Variants in PLPP1 observed in about 807,000 individuals in gnomAD.
PLPP1 encodes the protein lipid phosphate phosphohydrolase 1a.
Under a neutral mutation model 31.2 loss-of-function variants are expected in PLPP1, and 24 were observed. The observed-to-expected ratio is 0.77, with a 90% CI of 0.56 to 1.08. The LOEUF (loss-of-function observed/expected upper bound fraction) is 1.08, where lower values mean the gene tolerates loss of function less well. Among genes scored for constraint, PLPP1 ranks in the 50% least tolerant of loss-of-function variants. The pLI, the probability that PLPP1 is intolerant of heterozygous loss-of-function variation, is 0.00. For synonymous variants in PLPP1, 146 were observed against 126.3 expected (o/e 1.16, Z -1.05); for missense variants, 319 against 342.7 (o/e 0.93, Z 0.55).
chr5:55,511,657 T>TG (rs1753413772), intron 1 of PLPP1, among the ~76,000 whole-genome samples: 1 of 93,140 alleles, frequency 1.1e-5, no homozygotes, highest in African/African-American at 3.7e-5. Context: ...TGAGTTTTTT[T>TG]TTTTTTTTTT....
intron 3 of PLPP1, among the ~76,000 whole-genome samples, chr5:55,466,905 C>T (rs952875978): frequency 9.9e-5 from 15 of 152,094 alleles, no homozygotes; most frequent in African/African-American, 3.6e-4. Flanking sequence ...AAAGATAAGG[C>T]TGACAATTTT....
chr5:55,530,463 G>A, intron 1 of PLPP1: 1 of 1,237,762 alleles, frequency 8.1e-7, no homozygotes, highest in Non-Finnish European at 1.2e-6. Context: ...CTCTTGGTAA[G>A]TTTCTGTGTT....
At chr5:55,477,979 TA>T (rs34723510) in intron 1 of PLPP1, among the ~76,000 whole-genome samples, 318 of 140,012 alleles carry the variant, frequency 2.3e-3, no homozygotes, top group Middle Eastern at 3.6e-3. Flanking sequence ...CACTCTGTCT[TA>T]AAAAAAAAAA....
At chr5:55,433,008 C>T (rs1207880722) in intron 4 of PLPP1, among the ~76,000 whole-genome samples, 1 of 151,718 alleles carries the variant, frequency 6.6e-6, no homozygotes, top group East Asian at 1.9e-4. Context: ...AGCAATGAGG[C>T]AAGAGAAAGA....
At chr5:55,443,212 T>TATATATATATATATATATATAC (rs1169152710) in intron 3 of PLPP1, among the ~76,000 whole-genome samples, 14 of 104,990 alleles carry the variant, frequency 1.3e-4, no homozygotes, top group Non-Finnish European at 2.4e-4. Flanking sequence ...TATATATATA[T>TATATATATATATATATATATAC]ACACACACAC....
chr5:55,461,984 A>G (rs1752175860), intron 3 of PLPP1, among the ~76,000 whole-genome samples: 3 of 152,174 alleles, frequency 2.0e-5, no homozygotes, highest in Admixed American at 2.0e-4. Flanking sequence ...TATACTTAAC[A>G]AAACGTATGC....
chr5:55,472,994 C>A (rs907173314), intron 2 of PLPP1, among the ~76,000 whole-genome samples: 8 of 152,160 alleles, frequency 5.3e-5, no homozygotes, highest in Admixed American at 3.3e-4. Context: ...CACCAAAAAA[C>A]AAGGCAGAAT....
chr5:55,465,109 T>A (rs1007182964), intron 3 of PLPP1, among the ~76,000 whole-genome samples: 4 of 151,176 alleles, frequency 2.6e-5, no homozygotes, highest in Non-Finnish European at 5.9e-5. Flanking sequence ...AGTGGCGCAA[T>A]CTCTGCTCAC....
chr5:55,490,861 G>T, intron 1 of PLPP1: 1 of 1,306,528 alleles, frequency 7.7e-7, no homozygotes, highest in Non-Finnish European at 1.1e-6. Context: ...ATCAACACTG[G>T]TGAAGACAGT....
chr5:55,441,179 CA>C (rs1751612520), intron 4 of PLPP1, among the ~76,000 whole-genome samples: 1 of 152,180 alleles, frequency 6.6e-6, no homozygotes, highest in African/African-American at 2.4e-5. Flanking sequence ...CAAAAAACTA[CA>C]TATTCATCTC....
intron 4 of PLPP1, among the ~76,000 whole-genome samples, chr5:55,435,754 C>A (rs1751477021): frequency 6.6e-6 from 1 of 152,124 alleles, no homozygotes; most frequent in Non-Finnish European, 1.5e-5. Context: ...CTCCCTCCCC[C>A]ATTTTCATCT....
At chr5:55,439,163 CT>C (rs1313068945) in intron 4 of PLPP1, among the ~76,000 whole-genome samples, 2 of 152,178 alleles carry the variant, frequency 1.3e-5, no homozygotes, top group African/African-American at 4.8e-5. Flanking sequence ...TGAAAACCCC[CT>C]GCTCACATAC....
chr5:55,512,723 T>C (rs79623826), intron 1 of PLPP1, among the ~76,000 whole-genome samples: 3 of 43,132 alleles, frequency 7.0e-5, no homozygotes, highest in African/African-American at 9.6e-5. Flanking sequence ...CATTATAAAC[T>C]ACACACACAC....
intron 1 of PLPP1, among the ~76,000 whole-genome samples, chr5:55,518,480 C>T (rs1203475358): frequency 6.6e-6 from 1 of 152,002 alleles, no homozygotes; most frequent in Non-Finnish European, 1.5e-5. Flanking sequence ...TTTAATTTTC[C>T]TTTTCCTACT....
intron 3 of PLPP1, among the ~76,000 whole-genome samples, chr5:55,461,121 G>A (rs1365507703): frequency 6.6e-6 from 1 of 152,132 alleles, no homozygotes; most frequent in African/African-American, 2.4e-5. Context: ...ACTTGAGCCG[G>A]GAGGTCAAGG....
intron 1 of PLPP1, among the ~76,000 whole-genome samples, chr5:55,513,535 G>C (rs1311393159): frequency 6.6e-6 from 1 of 152,010 alleles, no homozygotes; most frequent in Non-Finnish European, 1.5e-5. Flanking sequence ...GCCTCCCAAA[G>C]TGCTGGGATT....
chr5:55,531,912 G>A (rs1397450535), intron 1 of PLPP1, among the ~76,000 whole-genome samples: 1 of 152,154 alleles, frequency 6.6e-6, no homozygotes, highest in Non-Finnish European at 1.5e-5. Context: ...TTTAGGAAAA[G>A]GGAATTCTGA....
chr5:55,430,886 C>T (rs566366569), intron 4 of PLPP1, among the ~76,000 whole-genome samples: 1 of 151,730 alleles, frequency 6.6e-6, no homozygotes, highest in South Asian at 2.1e-4. Flanking sequence ...GAGAAAATTC[C>T]CAAAGACATA....
intron 3 of PLPP1, among the ~76,000 whole-genome samples, chr5:55,466,809 TA>T (rs1190882806): frequency 2.5e-4 from 11 of 44,124 alleles, no homozygotes; most frequent in Non-Finnish European, 5.8e-4. Context: ...AAATCATATC[TA>T]AAAAAATCAA....
Sources: allele counts gnomAD v4.1 joint callset (sites outside exome capture counted in the v4.1 genomes callset), GRCh38; gene constraint gnomAD v4.1.1; transcripts MANE v1.5; gene names NCBI Gene and HGNC (gene_info 2026-07-23, HGNC 2026-07-21).